CDH18: variants seen among roughly 807,000 people sequenced by gnomAD.
CDH18 encodes cadherin-18.
CDH18 carries 31 observed loss-of-function variants against 67.9 expected under a neutral mutation model. The ratio of observed to expected loss-of-function variants is 0.46; its 90% CI spans 0.34 to 0.62. The LOEUF is 0.62. CDH18 is among the 20% of genes least tolerant of loss of function. CDH18 has a pLI of 0.01. For synonymous variants in CDH18, 362 were observed against 347.2 expected (o/e 1.04, Z -0.48); for missense variants, 890 against 975.5 (o/e 0.91, Z 1.17).
chr5:20,287,346 G>C (rs1344902473), intron 1 of CDH18, among the ~76,000 whole-genome samples: 1 of 151,680 alleles, frequency 6.6e-6, no homozygotes, highest in African/African-American at 2.4e-5. Flanking sequence ...GTTAGGCATA[G>C]AGTGTTTTAA....
chr5:20,247,514 C>A (rs1437983052), intron 2 of CDH18, among the ~76,000 whole-genome samples: 2 of 152,020 alleles, frequency 1.3e-5, no homozygotes, highest in African/African-American at 4.8e-5. Flanking sequence ...CGCCTGGAAT[C>A]CCAGCACTTT....
At chr5:20,394,194 G>C (rs562257241) in intron 1 of CDH18, among the ~76,000 whole-genome samples, 1 of 152,008 alleles carries the variant, frequency 6.6e-6, no homozygotes, top group East Asian at 1.9e-4. Flanking sequence ...ACAGCATGGT[G>C]TTGATATAAA....
At chr5:19,765,475 T>G (rs1772958806) in intron 3 of CDH18, among the ~76,000 whole-genome samples, 1 of 152,182 alleles carries the variant, frequency 6.6e-6, no homozygotes, top group Non-Finnish European at 1.5e-5. Flanking sequence ...TTTCTCTTAA[T>G]TATCCACCTT....
chr5:20,480,749 T>G (rs2150254450), intron 1 of CDH18, among the ~76,000 whole-genome samples: 1 of 152,230 alleles, frequency 6.6e-6, no homozygotes, highest in East Asian at 1.9e-4. Context: ...ATTTTATTTG[T>G]TTTTTCAATC....
intron 1 of CDH18, among the ~76,000 whole-genome samples, chr5:20,384,671 A>G (rs1744174639): frequency 6.6e-6 from 1 of 152,138 alleles, no homozygotes; most frequent in Non-Finnish European, 1.5e-5. Context: ...AGTGTTTTCC[A>G]TACTAGCTAT....
intron 2 of CDH18, among the ~76,000 whole-genome samples, chr5:19,921,231 C>T (rs575771947): frequency 6.6e-6 from 1 of 151,828 alleles, no homozygotes; most frequent in African/African-American, 2.4e-5. Flanking sequence ...CAAAAAATTC[C>T]GTTAAAAACA....
chr5:19,593,877 C>T (rs914849992), intron 6 of CDH18, among the ~76,000 whole-genome samples: 1 of 151,560 alleles, frequency 6.6e-6, no homozygotes, highest in African/African-American at 2.4e-5. Flanking sequence ...AGATTGTTTC[C>T]TTTGTTGTGT....
Position 20,492,318 on chromosome 5 carries a change from GAA to G in CDH18, c.-580+83142_-580+83143del, listed in dbSNP as rs550475262. On this transcript the variant is annotated intron_variant, in intron 1 of 14. Transcript: ENST00000507958. Reference sequence around the variant, plus strand: ...TTCAGCATCACCTGACTTTCTTTAGGAAAAAAAATGAAAATTGGCTGAATATA... The same window carrying G: ...TTCAGCATCACCTGACTTTCTTTAGGAAAAAATGAAAATTGGCTGAATATA... 6.0e-4 allele frequency among the ~76,000 whole-genome samples: 91 copies of G among 150,912 alleles called. 1 individual carries two copies. Among genetic ancestry groups the G allele is most frequent in the African/African-American group, 2.2e-3 (89 of 41,202 alleles).
intron 1 of CDH18, among the ~76,000 whole-genome samples, chr5:20,324,265 G>T (rs929746600): frequency 6.6e-6 from 1 of 152,064 alleles, no homozygotes; most frequent in African/African-American, 2.4e-5. Context: ...GCCGGGCGCG[G>T]TGGGTGGCTC....
intron 7 of CDH18, among the ~76,000 whole-genome samples, chr5:19,583,166 C>T (rs1316008938): frequency 6.6e-6 from 1 of 151,852 alleles, no homozygotes; most frequent in East Asian, 1.9e-4. Context: ...ACTTGTAGTA[C>T]ACATAGATAC....
At chr5:20,546,189 C>G (rs1240220858) in intron 1 of CDH18, among the ~76,000 whole-genome samples, 1 of 152,118 alleles carries the variant, frequency 6.6e-6, no homozygotes, top group East Asian at 1.9e-4. Context: ...TTTTCCATGT[C>G]ACTATAAGTA....
intron 5 of CDH18, among the ~76,000 whole-genome samples, chr5:19,696,674 G>A (rs1050510404): frequency 9.9e-5 from 15 of 152,026 alleles, no homozygotes; most frequent in Non-Finnish European, 1.3e-4. Context: ...GATTACAAGC[G>A]TGAGCCACCG....
At chr5:20,410,670 A>G (rs1746692421) in intron 1 of CDH18, among the ~76,000 whole-genome samples, 1 of 151,634 alleles carries the variant, frequency 6.6e-6, no homozygotes, top group Non-Finnish European at 1.5e-5. Context: ...GAACATAAAA[A>G]AGGAATAACA....
At chr5:19,839,682 A>G (rs942913669) in intron 2 of CDH18, among the ~76,000 whole-genome samples, 56 of 152,288 alleles carry the variant, frequency 3.7e-4, no homozygotes, top group African/African-American at 1.3e-3. Flanking sequence ...AAAGAATGCA[A>G]CTTAAAATTA....
At chr5:19,975,731 C>G (rs1798437209) in intron 2 of CDH18, among the ~76,000 whole-genome samples, 1 of 152,052 alleles carries the variant, frequency 6.6e-6, no homozygotes, top group South Asian at 2.1e-4. Context: ...TAATGTGTTA[C>G]TTTTTCATTT....
chr5:19,473,184 TACTC>T lies in CDH18; in HGVS notation c.*38_*41del, dbSNP rs778067994. On this transcript the variant is annotated 3_prime_UTR_variant, in exon 13 of 13. Coordinates refer to ENST00000382275, the MANE Select transcript of CDH18 (RefSeq NM_004934.5). The stretch of plus-strand genomic sequence containing the variant: ...TCATTGCTGAGGTTGTATATCCACT[TACTC>T]AGGAAGCAAATTCCACAAGGTTGCA... 25 of 1,591,808 alleles carry T rather than the reference TACTC, an allele frequency of 1.6e-5. No homozygotes were observed. Among genetic ancestry groups the T allele is most frequent in the Admixed American group, 6.8e-5 (4 of 58,552 alleles).
chr5:20,035,090 C>G (rs1469659379), intron 2 of CDH18, among the ~76,000 whole-genome samples: 1 of 151,972 alleles, frequency 6.6e-6, no homozygotes, highest in South Asian at 2.1e-4. Flanking sequence ...GGAGGAAGAG[C>G]CTCTGTCATC....
At chr5:20,544,843 C>G (rs942514690) in intron 1 of CDH18, among the ~76,000 whole-genome samples, 3 of 152,140 alleles carry the variant, frequency 2.0e-5, no homozygotes, top group African/African-American at 7.2e-5. Flanking sequence ...CAACAGTCAC[C>G]CAAAGACTTA....
At chr5:20,369,672 A>G (rs1292620224) in intron 1 of CDH18, among the ~76,000 whole-genome samples, 1 of 152,214 alleles carries the variant, frequency 6.6e-6, no homozygotes, top group Admixed American at 6.5e-5. Context: ...TATCATGTCC[A>G]GTGGCCATGA....
Sources: gnomAD v4.1 joint callset for allele counts (sites outside exome capture counted in the v4.1 genomes callset) on GRCh38, gnomAD v4.1.1 for gene constraint, MANE v1.5 for transcripts, NCBI Gene and HGNC (gene_info 2026-07-23, HGNC 2026-07-21) for gene names.